SPAG16: variants seen among roughly 807,000 people sequenced by gnomAD.
SPAG16 encodes sperm-associated antigen 16 protein.
In SPAG16, 86 loss-of-function variants were observed where a neutral mutation model predicts 80.4. That is an observed-to-expected ratio of 1.07 (90% CI 0.90 to 1.28). SPAG16 has a LOEUF of 1.28. Ranked by LOEUF, SPAG16 falls within the 50% of genes most tolerant of loss-of-function variation. The pLI, the probability that SPAG16 is intolerant of heterozygous loss-of-function variation, is 0.00. For synonymous variants in SPAG16, 294 were observed against 265.9 expected, an observed-to-expected ratio of 1.11 and a Z score of -1.03; for missense variants, 870 against 765.3, an observed-to-expected ratio of 1.14 and a Z score of -1.61.
intron 15 of SPAG16, among the ~76,000 whole-genome samples, chr2:214,195,009 A>G (rs1052956399): frequency 6.6e-6 from 1 of 152,130 alleles, no homozygotes; most frequent in Non-Finnish European, 1.5e-5. Context: ...TAGGCAGATA[A>G]CAGTAGATAC....
intron 10 of SPAG16, among the ~76,000 whole-genome samples, chr2:213,645,716 A>G (rs901303019): frequency 3.9e-5 from 6 of 152,226 alleles, no homozygotes; most frequent in African/African-American, 1.4e-4. Context: ...CTTGGGGATT[A>G]GGGGAGGGGT....
intron 11 of SPAG16, among the ~76,000 whole-genome samples, chr2:213,923,446 T>C (rs2078316159): frequency 6.6e-6 from 1 of 152,174 alleles, no homozygotes; most frequent in African/African-American, 2.4e-5. Context: ...CCCCAGCAAG[T>C]GTTGCCTGCC....
intron 10 of SPAG16, among the ~76,000 whole-genome samples, chr2:213,799,392 A>T (rs2071241879): frequency 6.6e-6 from 1 of 152,116 alleles, no homozygotes. Context: ...ATGTATAAAA[A>T]TGCAATTTAT....
At chr2:213,865,999 A>C (rs2075666152) in intron 11 of SPAG16, among the ~76,000 whole-genome samples, 1 of 150,760 alleles carries the variant, frequency 6.6e-6, no homozygotes, top group African/African-American at 2.4e-5. Context: ...AAACATTCTC[A>C]ATGCTAAATC....
chr2:213,297,953 C>T (rs554870392), intron 3 of SPAG16, among the ~76,000 whole-genome samples: 1 of 152,188 alleles, frequency 6.6e-6, no homozygotes, highest in Non-Finnish European at 1.5e-5. Context: ...CATTAAGAAG[C>T]ATGCTTTCTT....
intron 9 of SPAG16, among the ~76,000 whole-genome samples, chr2:213,447,676 T>TC (rs776019168): frequency 1.6e-4 from 24 of 152,358 alleles, no homozygotes; most frequent in Non-Finnish European, 3.4e-4. Context: ...TTTGTTTACC[T>TC]CCAGCCTGAC....
chr2:213,351,137 C>A (rs1284809461), intron 7 of SPAG16, among the ~76,000 whole-genome samples: 1 of 152,020 alleles, frequency 6.6e-6, no homozygotes, highest in Admixed American at 6.6e-5. Flanking sequence ...CAGAGTGAGA[C>A]AGTGTCTCAA....
rs560793297 is a variant in SPAG16, at chr2:213,997,813, ATTC to A, written c.1401-16136_1401-16134del. On this transcript the variant is annotated intron_variant, in intron 12 of 15. Transcript: ENST00000331683. Reference sequence around the variant, plus strand: ...TTTATGTTGGACCACATTCAGAGTCATTCTGGGCTGCATGCAGCCCATGGGCCA... The same window carrying A: ...TTTATGTTGGACCACATTCAGAGTCATGGGCTGCATGCAGCCCATGGGCCA... 1.3e-3 allele frequency among the ~76,000 whole-genome samples: 191 copies of A among 152,248 alleles called. 1 individual carries two copies. The highest frequency in any genetic ancestry group is 2.4e-3 in the Non-Finnish European group (163 of 68,010).
intron 13 of SPAG16, among the ~76,000 whole-genome samples, chr2:214,020,803 T>C (rs1017729780): frequency 5.3e-5 from 8 of 152,146 alleles, no homozygotes; most frequent in Admixed American, 3.9e-4. Flanking sequence ...TAATCAGAAG[T>C]TTTCAAACAT....
chr2:213,671,453 AC>A (rs1477181935), intron 10 of SPAG16, among the ~76,000 whole-genome samples: 2 of 152,114 alleles, frequency 1.3e-5, no homozygotes, highest in African/African-American at 4.8e-5. Flanking sequence ...TGAGTGGCAT[AC>A]ATAGCAGAAC....
chr2:213,296,338 G>A (rs1218773358), intron 2 of SPAG16, among the ~76,000 whole-genome samples: 11 of 152,000 alleles, frequency 7.2e-5, no homozygotes, highest in African/African-American at 7.3e-5. Context: ...CCTGTTAATC[G>A]TCCTTCAGGT....
chr2:213,396,146 C>A (rs1036696584), intron 9 of SPAG16, among the ~76,000 whole-genome samples: 21 of 152,078 alleles, frequency 1.4e-4, no homozygotes, highest in Non-Finnish European at 1.6e-4. Context: ...TACTATTATT[C>A]TTCTTCAGAA....
intron 9 of SPAG16, among the ~76,000 whole-genome samples, chr2:213,400,339 C>A (rs339819): frequency 6.6e-6 from 1 of 152,204 alleles, no homozygotes; most frequent in East Asian, 1.9e-4. Flanking sequence ...TTATATGTAG[C>A]ATTTTAATTT....
intron 10 of SPAG16, among the ~76,000 whole-genome samples, chr2:213,677,137 C>T (rs1253014381): frequency 3.9e-5 from 6 of 152,020 alleles, no homozygotes; most frequent in South Asian, 2.1e-4. Flanking sequence ...AGGAAAGGAA[C>T]AACCGGTACC....
intron 9 of SPAG16, chr2:213,422,322 C>A: frequency 1.4e-6 from 1 of 701,284 alleles, no homozygotes; most frequent in South Asian, 1.5e-5. Flanking sequence ...TGCATCTGAT[C>A]CAGCTCCAGG....
intron 2 of SPAG16, 146 bp downstream of exon 2, chr2:213,296,256 T>G: frequency 1.8e-6 from 1 of 558,798 alleles, no homozygotes; most frequent in Non-Finnish European, 3.2e-6. Flanking sequence ...TAGTATCAGC[T>G]GATTAAGAAT....
At chr2:214,234,324 T>C (rs148831723) in intron 15 of SPAG16, among the ~76,000 whole-genome samples, 8,680 of 152,258 alleles carry the variant, frequency 0.057, 845 homozygotes, top group African/African-American at 0.2. Context: ...GTCTTTGCTA[T>C]TGTGAATAGT....
intron 14 of SPAG16, among the ~76,000 whole-genome samples, chr2:214,119,256 T>A (rs2054098780): frequency 6.6e-6 from 1 of 152,154 alleles, no homozygotes; most frequent in Admixed American, 6.5e-5. Context: ...TCGGATGTCT[T>A]AATTTCTCCT....
chr2:214,162,328 A>G (rs2056472118), intron 15 of SPAG16, among the ~76,000 whole-genome samples: 1 of 152,176 alleles, frequency 6.6e-6, no homozygotes. Context: ...AAGTCTGTTT[A>G]ACATTCCATT....
Sources: gnomAD v4.1 joint callset for allele counts (sites outside exome capture counted in the v4.1 genomes callset) on GRCh38, gnomAD v4.1.1 for gene constraint, MANE v1.5 for transcripts, NCBI Gene and HGNC (gene_info 2026-07-23, HGNC 2026-07-21) for gene names.